PTK7: variants seen among roughly 807,000 people sequenced by gnomAD.
PTK7 encodes protein tyrosine kinase 7 (inactive).
In PTK7, 39 loss-of-function variants were observed where a neutral mutation model predicts 116.6. The ratio of observed to expected loss-of-function variants is 0.33; its 90% CI spans 0.26 to 0.44. PTK7 has a LOEUF of 0.44. Ranked by LOEUF, PTK7 falls within the 20% of genes least tolerant of loss-of-function variation. The probability of loss-of-function intolerance (pLI) is 1.00; values close to 1 mark genes in which losing one functional copy is unlikely to be tolerated. For synonymous variants in PTK7, 546 were observed against 563.6 expected (o/e 0.97, Z 0.44); for missense variants, 1,169 against 1,425.6 (o/e 0.82, Z 2.90).
At chr6:43,117,631 C>A (rs2395960) in intron 1 of PTK7, among the ~76,000 whole-genome samples, 4 of 151,992 alleles carry the variant, frequency 2.6e-5, no homozygotes, top group Admixed American at 2.6e-4. Context: ...GAAATGTGTC[C>A]TCTAGGTCGG....
intron 1 of PTK7, among the ~76,000 whole-genome samples, chr6:43,089,278 T>C (rs913229457): frequency 3.9e-5 from 6 of 152,124 alleles, no homozygotes; most frequent in East Asian, 1.9e-4. Context: ...CAGACTCCAG[T>C]GTGGGAACCT....
intron 1 of PTK7, among the ~76,000 whole-genome samples, chr6:43,099,145 A>T (rs1032140408): frequency 2.2e-4 from 34 of 151,864 alleles, no homozygotes; most frequent in Non-Finnish European, 7.4e-5. Flanking sequence ...GACTTTGGCA[A>T]TTCTAATGTA....
At chr6:43,156,947 A>T (rs1771469917) in intron 17 of PTK7, among the ~76,000 whole-genome samples, 1 of 151,984 alleles carries the variant, frequency 6.6e-6, no homozygotes, top group African/African-American at 2.4e-5. Context: ...AAAAAAAAAA[A>T]AAATCCAGGC....
intron 1 of PTK7, among the ~76,000 whole-genome samples, chr6:43,125,448 C>CA (rs1311542275): frequency 6.6e-6 from 1 of 152,196 alleles, no homozygotes; most frequent in Non-Finnish European, 1.5e-5. Flanking sequence ...CTCTCTGAGT[C>CA]ACGCTGTCTC....
chr6:43,079,689 C>T (rs1372234963), intron 1 of PTK7, among the ~76,000 whole-genome samples: 1 of 152,124 alleles, frequency 6.6e-6, no homozygotes, highest in Non-Finnish European at 1.5e-5. Context: ...TTCCTGGGCT[C>T]AAGCAGTCTT....
intron 1 of PTK7, among the ~76,000 whole-genome samples, chr6:43,100,930 A>T (rs886541599): frequency 6.6e-6 from 1 of 152,346 alleles, no homozygotes; most frequent in South Asian, 2.1e-4. Flanking sequence ...ACTCTTAAAA[A>T]CGATTGAAAG....
At chr6:43,078,342 G>T (rs1766175056) in intron 1 of PTK7, among the ~76,000 whole-genome samples, 1 of 151,784 alleles carries the variant, frequency 6.6e-6, no homozygotes. Flanking sequence ...AGTCTCCTCA[G>T]GGGTGGGGGG....
At chr6:43,091,717 T>A (rs1766964617) in intron 1 of PTK7, among the ~76,000 whole-genome samples, 1 of 152,200 alleles carries the variant, frequency 6.6e-6, no homozygotes, top group African/African-American at 2.4e-5. Flanking sequence ...ATAAACAACT[T>A]ACAAGTTTTA....
chr6:43,110,093 T>A (rs1243191459), intron 1 of PTK7, among the ~76,000 whole-genome samples: 2 of 150,174 alleles, frequency 1.3e-5, no homozygotes, highest in Non-Finnish European at 1.5e-5. Context: ...GTCTCCTAGG[T>A]TCCAGTGATT....
chr6:43,145,456 G>T lies in PTK7; in HGVS notation c.2640+24G>T. ...TGGTATGCTGTTGGCAGGGGACGTG[G>T]GGGTCTCGGGTAGGGAGGGCAGTGT... is the stretch of plus-strand genomic sequence containing the variant. On this transcript the variant is annotated intron_variant, in intron 16 of 19. Coordinates refer to ENST00000230419, the MANE Select transcript of PTK7 (RefSeq NM_002821.5). The surrounding 1 kb of genome is among the most constrained non-coding windows in gnomAD (Gnocchi z 4.8). The T allele has an allele frequency of 6.6e-7, 1 of 1,514,338 alleles. No individual in the cohort carries two copies. The highest frequency in any genetic ancestry group is 1.4e-5 in the African/African-American group (1 of 72,378). The allele number at this position is 1,514,338 out of a possible 1,614,324, so 93.8% of individuals were successfully genotyped here. A position where few individuals can be genotyped will look rare whatever the true frequency, so the allele number is the denominator to read the frequency against.
At chr6:43,131,707 A>C in intron 5 of PTK7, 1 of 388,592 alleles carries the variant, frequency 2.6e-6, no homozygotes, top group Non-Finnish European at 4.8e-6. Context: ...TATGGGAGCT[A>C]CAATTTAAGA....
intron 1 of PTK7, among the ~76,000 whole-genome samples, chr6:43,117,934 CAA>C (rs59457900): frequency 8.6e-6 from 1 of 116,692 alleles, no homozygotes; most frequent in African/African-American, 3.1e-5. Flanking sequence ...AAACTCTGTC[CAA>C]AAAAAAAAAC....
chr6:43,153,714 A>G (rs1357578687), intron 17 of PTK7, among the ~76,000 whole-genome samples: 1 of 152,122 alleles, frequency 6.6e-6, no homozygotes, highest in African/African-American at 2.4e-5. Flanking sequence ...TGCGCTAAAC[A>G]GAATTGAATT....
At position 43,129,414 on chromosome 6, in the gene PTK7, A is replaced by T; in HGVS notation, c.367+150A>T. On this transcript the variant is annotated intron_variant, in intron 2 of 19. Transcript: ENST00000230419. This position sits in a 1 kb window ranked among gnomAD's most constrained non-coding sequence, Gnocchi z 4.5. ...TCATCAGCTTTTTTTGCTCATGTGG[A>T]TAAGAGGAAATTAAAAGTTATATTT... The T allele has an allele frequency of 1.8e-6, 2 of 1,083,180 alleles. No individual in the cohort carries two copies. The highest frequency in any genetic ancestry group is 3.3e-5 in the South Asian group (2 of 60,014). 67.1% of individuals were successfully genotyped at this position (1,083,180 alleles called of 1,614,324 possible).
rs78533322 is a variant in PTK7 at position 43,101,924 on chromosome 6, G to A, written c.79+25357G>A. Among the ~76,000 whole-genome samples the A allele has an allele frequency of 2.5e-3, 384 of 152,316 alleles. 1 individual carries two copies. Among genetic ancestry groups the A allele is most frequent in the African/African-American group, 8.8e-3 (364 of 41,570 alleles). On this transcript the variant is annotated intron_variant, in intron 1 of 19. Transcript: ENST00000230419. Reference sequence around the variant, plus strand: ...TAAGACGTCAGAGGTGGCTGGGCGTGGTGGTTCACGCCTGTAATCCCAGCA... The same window carrying A: ...TAAGACGTCAGAGGTGGCTGGGCGTAGTGGTTCACGCCTGTAATCCCAGCA...
At chr6:43,090,757 ATCCT>A (rs1236904376) in intron 1 of PTK7, among the ~76,000 whole-genome samples, 1 of 152,114 alleles carries the variant, frequency 6.6e-6, no homozygotes, top group Non-Finnish European at 1.5e-5. Context: ...TTTCCAATGA[ATCCT>A]TCCTTCTTCT....
chr6:43,155,645 CA>C (rs60105248), intron 17 of PTK7, among the ~76,000 whole-genome samples: 329 of 135,954 alleles, frequency 2.4e-3, no homozygotes, highest in Non-Finnish European at 2.1e-3. Context: ...AAGACTCCAT[CA>C]AAAAAAAAAA....
chr6:43,146,652 G>GC lies in PTK7; in HGVS notation c.2676dup (p.Lys893GlnfsTer3). On this transcript the variant is annotated frameshift_variant, in exon 17 of 20. Coordinates refer to ENST00000230419, the MANE Select transcript of PTK7 (RefSeq NM_002821.5). LOFTEE classifies it high-confidence loss of function. Reference sequence around the variant, plus strand: ...AAGCAGTTCCTGAGGATTTCCAAGAGCAAGGATGAAAAATTGAAGTCACAG... The same window carrying GC: ...AAGCAGTTCCTGAGGATTTCCAAGAGCCAAGGATGAAAAATTGAAGTCACAG... 6.2e-7 allele frequency: 1 copy of GC among 1,613,634 alleles called. No individual in the cohort carries two copies. The highest frequency in any genetic ancestry group is 2.2e-5 in the East Asian group (1 of 44,850).
rs1191157928 is a variant in PTK7 at position 43,116,154 on chromosome 6, AC to A, written c.80-12819del. ...CTGAGTGGAGCAACCCCCTTGTAAG[AC>A]CCCTCCCCAGAAAGAAGGGTTGGTT... On this transcript the variant is annotated intron_variant, in intron 1 of 19. Transcript: ENST00000230419. Among the ~76,000 whole-genome samples the A allele has an allele frequency of 1.3e-4, 20 of 151,784 alleles. No individual in the cohort carries two copies. The East Asian group carries it at 3.7e-3, about 28-fold the overall frequency.
Sources: gnomAD v4.1 joint callset for allele counts (sites outside exome capture counted in the v4.1 genomes callset) on GRCh38, gnomAD v4.1.1 for gene constraint, Gnocchi (gnomAD v3.1) non-coding constraint, MANE v1.5 for transcripts, NCBI Gene and HGNC (gene_info 2026-07-23, HGNC 2026-07-21) for gene names.